TRPM6: variants seen among roughly 807,000 people sequenced by gnomAD.
TRPM6 encodes channel kinase 2.
TRPM6 carries 111 observed loss-of-function variants against 247.6 expected under a neutral mutation model. The ratio of observed to expected loss-of-function variants is 0.45; its 90% CI spans 0.38 to 0.52. The LOEUF (loss-of-function observed/expected upper bound fraction) is 0.52. Ranked by LOEUF, TRPM6 falls within the 20% of genes least tolerant of loss-of-function variation. The pLI is 0.00. For missense variants in TRPM6, 2,126 were observed against 2,421.5 expected (o/e 0.88, Z 2.56); for synonymous variants, 892 against 853.8 (o/e 1.04, Z -0.78).
chr9:74,876,970 G>A (rs748809054), intron 1 of TRPM6, among the ~76,000 whole-genome samples: 3 of 152,094 alleles, frequency 2.0e-5, no homozygotes, highest in Non-Finnish European at 4.4e-5. Context: ...AACAAATGTC[G>A]AATAAACCCA....
intron 27 of TRPM6, among the ~76,000 whole-genome samples, chr9:74,757,679 G>A (rs941393375): frequency 6.6e-6 from 1 of 152,070 alleles, no homozygotes; most frequent in African/African-American, 2.4e-5. Context: ...TCGGGAAACC[G>A]AGGCGGGTGG....
At chr9:74,781,250 A>G (rs1451692074) in intron 23 of TRPM6, among the ~76,000 whole-genome samples, 1 of 152,100 alleles carries the variant, frequency 6.6e-6, no homozygotes, top group South Asian at 2.1e-4. Context: ...AGAAGAAAAC[A>G]GAGGGCCTGG....
intron 7 of TRPM6, 27 bp from the exon 8 acceptor site, chr9:74,821,864 A>G (rs1412739130): frequency 6.2e-7 from 1 of 1,613,478 alleles, no homozygotes; most frequent in South Asian, 1.1e-5. Flanking sequence ...ACAATACCAC[A>G]CTGTTAGAGA....
At position 74,767,414 on chromosome 9, in the gene TRPM6, T is replaced by C. The variant is rs545559143; in HGVS notation, c.3537-4280A>G. Reference sequence around the variant, plus strand: ...AAAACAGCCTTGCTATGTTCTCTTTTTCCACTGTCGCAACTCACTTGATTC... The same window carrying C: ...AAAACAGCCTTGCTATGTTCTCTTTCTCCACTGTCGCAACTCACTTGATTC... On this transcript the variant is annotated intron_variant, in intron 25 of 38. Coordinates refer to ENST00000360774, the MANE Select transcript of TRPM6 (RefSeq NM_017662.5). 7.9e-5 allele frequency among the ~76,000 whole-genome samples: 12 copies of C among 152,324 alleles called. No homozygotes were observed. In the East Asian group the frequency reaches 2.3e-3, roughly 29 times the overall value.
chr9:74,796,788 A>G lies in TRPM6; in HGVS notation c.2344T>C (p.Tyr782His). 6.2e-7 allele frequency: 1 copy of G among 1,614,088 alleles called. No homozygotes were observed. The highest frequency in any genetic ancestry group is 8.5e-7 in the Non-Finnish European group (1 of 1,179,940). Residue 782 changes from tyrosine (Y) to histidine (H), a missense_variant, in exon 18 of 39, where the codon TAT becomes CAT. This residue lies in a region of TRPM6 where 1,082 missense variants were observed against 1,307.9 expected (regional missense o/e 0.83). Coordinates refer to ENST00000360774, the MANE Select transcript of TRPM6 (RefSeq NM_017662.5). ...PQSQDFQFMW[Y>H]YSDQNASSSK... ...CTGCTGGCGTTCTGGTCACTGTAATACCACATAAATTGGAAGTCCTGGGAC... is the reference window on the plus strand; with the variant it reads ...CTGCTGGCGTTCTGGTCACTGTAATGCCACATAAATTGGAAGTCCTGGGAC...
In TRPM6 at chr9:74,866,014, T is replaced by A. The variant is rs1407954942; in HGVS notation, c.34-7266A>T. ...AATAAAGCCTTTATTAGAAGTTACA[T>A]GTTTGGCCAGGCATGGTGGCTCACG... is the stretch of plus-strand genomic sequence containing the variant. On this transcript the variant is annotated intron_variant, in intron 1 of 38. Coordinates refer to ENST00000360774, the MANE Select transcript of TRPM6 (RefSeq NM_017662.5). Among the ~76,000 whole-genome samples, 3 of 152,182 alleles carry A rather than the reference T, an allele frequency of 2.0e-5. No homozygotes were observed. In the East Asian group the frequency reaches 5.8e-4, roughly 29 times the overall value.
chr9:74,741,977 C>G (rs529635768), intron 33 of TRPM6, among the ~76,000 whole-genome samples: 145 of 152,236 alleles, frequency 9.5e-4, no homozygotes, highest in Non-Finnish European at 1.8e-3. Flanking sequence ...TGAGAAGAAT[C>G]AAGATCAAGG....
intron 19 of TRPM6, among the ~76,000 whole-genome samples, chr9:74,791,572 A>G (rs1436657225): frequency 6.6e-6 from 1 of 152,212 alleles, no homozygotes; most frequent in Non-Finnish European, 1.5e-5. Flanking sequence ...AGCACAGCTC[A>G]TGCTTTCTCT....
chr9:74,864,401 ATC>A (rs1830782406), intron 1 of TRPM6, among the ~76,000 whole-genome samples: 1 of 152,192 alleles, frequency 6.6e-6, no homozygotes, highest in Non-Finnish European at 1.5e-5. Flanking sequence ...AGGGCCTTCT[ATC>A]TGTCCAAATT....
In TRPM6 at chr9:74,847,320, C is replaced by G. The variant is rs1027754127; in HGVS notation, c.153-4977G>C. On this transcript the variant is annotated intron_variant, in intron 3 of 38. Coordinates refer to ENST00000360774, the MANE Select transcript of TRPM6 (RefSeq NM_017662.5). ...TGCTCAATCAATTCTCCCACCTCAG[C>G]CTCCCATGCAGCTGGAATTACAGGC... Among the ~76,000 whole-genome samples the G allele has an allele frequency of 2.4e-4, 36 of 152,238 alleles. No homozygotes were observed. The East Asian group carries it at 6.6e-3, about 28-fold the overall frequency.
intron 3 of TRPM6, among the ~76,000 whole-genome samples, chr9:74,851,888 G>A (rs1284791219): frequency 6.6e-6 from 1 of 151,480 alleles, no homozygotes; most frequent in Non-Finnish European, 1.5e-5. Flanking sequence ...CACTTTGGGA[G>A]GCCGAGGCAG....
At chr9:74,794,599 G>A (rs1828023309) in intron 18 of TRPM6, among the ~76,000 whole-genome samples, 1 of 152,072 alleles carries the variant, frequency 6.6e-6, no homozygotes, top group African/African-American at 2.4e-5. Flanking sequence ...ACCCCAGAAA[G>A]CAATTTAAGT....
chr9:74,886,513 C>T (rs1831533274), intron 1 of TRPM6, among the ~76,000 whole-genome samples: 1 of 145,828 alleles, frequency 6.9e-6, no homozygotes, highest in Non-Finnish European at 1.5e-5. Context: ...CTTTTTTTCT[C>T]TTTTTTTTTT....
chr9:74,762,227 T>C lies in TRPM6; in HGVS notation c.4444A>G (p.Ser1482Gly), dbSNP rs1826670468. 6.2e-7 allele frequency: 1 copy of C among 1,614,208 alleles called. No individual in the cohort carries two copies. The highest frequency in any genetic ancestry group is 8.5e-7 in the Non-Finnish European group (1 of 1,180,024). ...TGCTGTTCACTCCGAGAGGAATCAC[T>C]GTCACAAGTGGAGGGCAAGCAGGTT... The part of the protein sequence containing the change: ...WQTCLPSTCD[S>G]DSSRSEQHQK... The change falls in exon 26 of 39, where the codon AGT becomes GGT. Residue 1482 changes from serine to glycine, a missense_variant. By Grantham distance (56) the Ser-to-Gly change is moderately conservative (BLOSUM62 0). This residue lies in a region of TRPM6 where 717 missense variants were observed against 715.9 expected (regional missense o/e 1.00). Transcript: ENST00000360774.
At chr9:74,834,275 G>A (rs1485612496) in intron 5 of TRPM6, among the ~76,000 whole-genome samples, 153 bp from the exon 6 acceptor site, 1 of 152,058 alleles carries the variant, frequency 6.6e-6, no homozygotes, top group African/African-American at 2.4e-5. Flanking sequence ...TGATACCTTG[G>A]CTTCCTCTAT....
intron 32 of TRPM6, among the ~76,000 whole-genome samples, chr9:74,743,216 T>C (rs1349104878): frequency 6.6e-6 from 1 of 152,188 alleles, no homozygotes. Context: ...AAAGACTCAG[T>C]TGTAAGAGCC....
chr9:74,886,636 A>G (rs2118560829), intron 1 of TRPM6, among the ~76,000 whole-genome samples: 1 of 152,096 alleles, frequency 6.6e-6, no homozygotes, highest in Non-Finnish European at 1.5e-5. Context: ...GATGGGAGAG[A>G]CAGGATACTT....
chr9:74,754,537 T>G (rs1826371855), intron 28 of TRPM6, among the ~76,000 whole-genome samples: 1 of 152,186 alleles, frequency 6.6e-6, no homozygotes, highest in South Asian at 2.1e-4. Context: ...ACGGGGAAAG[T>G]GAAGGGAACG....
intron 5 of TRPM6, 145 bp from the exon 6 acceptor site, chr9:74,834,267 A>G: frequency 1.1e-6 from 1 of 902,992 alleles, no homozygotes; most frequent in Non-Finnish European, 1.8e-6. Context: ...TTAGTTTCTG[A>G]TACCTTGGCT....
Sources: allele counts gnomAD v4.1 joint callset (sites outside exome capture counted in the v4.1 genomes callset), GRCh38; gene constraint gnomAD v4.1.1; regional missense constraint gnomAD v4.1.1; transcripts MANE v1.5; gene names NCBI Gene and HGNC (gene_info 2026-07-23, HGNC 2026-07-21).